The following HS6ST3 variants were observed in gnomAD, a reference collection of about 807,000 sequenced individuals.
HS6ST3 encodes heparan-sulfate 6-O-sulfotransferase 3.
Under a neutral mutation model 36.7 loss-of-function variants are expected in HS6ST3, and 12 were observed. The ratio of observed to expected loss-of-function variants is 0.33; its 90% CI spans 0.21 to 0.53. The LOEUF is 0.53. HS6ST3 is among the 20% of genes least tolerant of loss of function. HS6ST3 has a pLI of 0.95. For synonymous variants in HS6ST3, 240 were observed against 257.5 expected (o/e 0.93, Z 0.65); for missense variants, 584 against 640.9 (o/e 0.91, Z 0.96).
In HS6ST3 at chr13:96,625,381, G is replaced by A. The variant is rs150307394; in HGVS notation, c.708-207109G>A. Among the ~76,000 whole-genome samples, 720 of 152,104 alleles carry A rather than the reference G, an allele frequency of 4.7e-3. 1 individual carries two copies. The highest frequency in any genetic ancestry group is 7.9e-3 in the Admixed American group (120 of 15,280). ...CCAGAAATTTCTTTGAGTATGTATC[G>A]AGCAATAGACTTGCTGGGCTCTAAG... is the stretch of plus-strand genomic sequence containing the variant. On this transcript the variant is annotated intron_variant, in intron 1 of 1. Transcript: ENST00000376705.
chr13:96,191,239 C>G (rs2054287035), intron 1 of HS6ST3, among the ~76,000 whole-genome samples: 1 of 152,168 alleles, frequency 6.6e-6, no homozygotes, highest in Admixed American at 6.5e-5. Flanking sequence ...CCAACCTGGT[C>G]TCTACCTCAC....
intron 1 of HS6ST3, among the ~76,000 whole-genome samples, chr13:96,350,687 G>C (rs1200364920): frequency 6.6e-6 from 1 of 152,104 alleles, no homozygotes; most frequent in Admixed American, 6.5e-5. Context: ...TTGTTATTTT[G>C]GCTTTCTTTC....
In HS6ST3 at chr13:96,353,799, A is replaced by G. The variant is rs183118836; in HGVS notation, c.707+262230A>G. ...ATTCAATGACAAATTATAAAGAGGT[A>G]GCTATTGCCAACATATAAAGGATTT... On this transcript the variant is annotated intron_variant, in intron 1 of 1. Coordinates refer to ENST00000376705, the MANE Select transcript of HS6ST3 (RefSeq NM_153456.4). 1.2e-3 allele frequency among the ~76,000 whole-genome samples: 188 copies of G among 152,360 alleles called. 1 individual carries two copies. The highest frequency in any genetic ancestry group is 4.3e-3 in the African/African-American group (180 of 41,596).
At chr13:96,187,218 A>G (rs2054268996) in intron 1 of HS6ST3, among the ~76,000 whole-genome samples, 1 of 152,134 alleles carries the variant, frequency 6.6e-6, no homozygotes, top group South Asian at 2.1e-4. Flanking sequence ...CATTCTGTTC[A>G]CTTTGCAGCA....
chr13:96,466,304 C>G (rs1391675081), intron 1 of HS6ST3, among the ~76,000 whole-genome samples: 1 of 151,934 alleles, frequency 6.6e-6, no homozygotes. Flanking sequence ...CATCTACTAT[C>G]TTAGCAAATT....
chr13:96,371,602 T>G (rs1349554731), intron 1 of HS6ST3, among the ~76,000 whole-genome samples: 1 of 152,164 alleles, frequency 6.6e-6, no homozygotes, highest in Non-Finnish European at 1.5e-5. Flanking sequence ...AGTATTTTTT[T>G]AACTAACATG....
intron 1 of HS6ST3, among the ~76,000 whole-genome samples, chr13:96,527,027 AT>A (rs2056116920): frequency 1.3e-5 from 2 of 151,996 alleles, no homozygotes; most frequent in Admixed American, 6.6e-5. Context: ...CATTCCACTT[AT>A]TTCTTTTTAC....
chr13:96,093,652 T>C (rs2053776020), intron 1 of HS6ST3, among the ~76,000 whole-genome samples: 1 of 152,032 alleles, frequency 6.6e-6, no homozygotes, highest in African/African-American at 2.4e-5. Flanking sequence ...CCACCCTCTC[T>C]CTCTCCCCAG....
intron 1 of HS6ST3, among the ~76,000 whole-genome samples, chr13:96,653,828 G>A (rs2139014418): frequency 6.6e-6 from 1 of 152,296 alleles, no homozygotes; most frequent in African/African-American, 2.4e-5. Context: ...CCCACCAACA[G>A]TGTAAAAGCG....
chr13:96,129,228 A>G (rs1327942937), intron 1 of HS6ST3, among the ~76,000 whole-genome samples: 3 of 152,178 alleles, frequency 2.0e-5, no homozygotes, highest in Non-Finnish European at 4.4e-5. Flanking sequence ...TGTTTCTTAA[A>G]CATGAAAATG....
intron 1 of HS6ST3, among the ~76,000 whole-genome samples, chr13:96,190,167 A>T (rs1295755204): frequency 6.6e-6 from 1 of 152,222 alleles, no homozygotes; most frequent in Non-Finnish European, 1.5e-5. Context: ...AGTGACTACG[A>T]CATATCCATC....
intron 1 of HS6ST3, among the ~76,000 whole-genome samples, chr13:96,470,481 G>T (rs1354167021): frequency 6.6e-6 from 1 of 151,980 alleles, no homozygotes; most frequent in Non-Finnish European, 1.5e-5. Context: ...TCCCACAAAA[G>T]AAACCCTCTT....
chr13:96,122,270 T>C (rs1252833129), intron 1 of HS6ST3, among the ~76,000 whole-genome samples: 2 of 151,954 alleles, frequency 1.3e-5, no homozygotes, highest in Non-Finnish European at 2.9e-5. Context: ...GCCTGCATGC[T>C]TAGCTATATA....
intron 1 of HS6ST3, among the ~76,000 whole-genome samples, chr13:96,365,250 C>A (rs1055547321): frequency 6.6e-6 from 1 of 152,168 alleles, no homozygotes; most frequent in African/African-American, 2.4e-5. Context: ...CTCTGATGTT[C>A]CTCCCTGACA....
intron 1 of HS6ST3, among the ~76,000 whole-genome samples, chr13:96,636,431 A>G (rs1594823698): frequency 6.6e-6 from 1 of 152,274 alleles, no homozygotes; most frequent in East Asian, 1.9e-4. Context: ...CAGGGCTGAG[A>G]GGAGAATTTG....
At chr13:96,470,899 G>C (rs909662236) in intron 1 of HS6ST3, among the ~76,000 whole-genome samples, 3 of 152,176 alleles carry the variant, frequency 2.0e-5, no homozygotes, top group African/African-American at 7.2e-5. Context: ...GTTCCTCCAA[G>C]AGGACATTGT....
At chr13:96,374,167 T>G (rs2139442650) in intron 1 of HS6ST3, among the ~76,000 whole-genome samples, 1 of 152,332 alleles carries the variant, frequency 6.6e-6, no homozygotes, top group South Asian at 2.1e-4. Flanking sequence ...TATTATTATA[T>G]TATTGTTTTA....
At chr13:96,286,275 A>G (rs529398881) in intron 1 of HS6ST3, among the ~76,000 whole-genome samples, 63 of 152,164 alleles carry the variant, frequency 4.1e-4, no homozygotes, top group Non-Finnish European at 8.1e-4. Context: ...TTTCTGCTTT[A>G]ACGATTTGAT....
chr13:96,150,839 A>G (rs2054081438), intron 1 of HS6ST3, among the ~76,000 whole-genome samples: 1 of 152,190 alleles, frequency 6.6e-6, no homozygotes, highest in Admixed American at 6.5e-5. Flanking sequence ...TAAAATTCCT[A>G]AGTAAAAGAT....
Sources: allele counts gnomAD v4.1 joint callset (sites outside exome capture counted in the v4.1 genomes callset), GRCh38; gene constraint gnomAD v4.1.1; transcripts MANE v1.5; gene names NCBI Gene and HGNC (gene_info 2026-07-23, HGNC 2026-07-21).